Variants in TSHR observed in about 807,000 individuals in gnomAD.
TSHR encodes thyroid stimulating hormone receptor.
TSHR carries 51 observed loss-of-function variants against 64.1 expected under a neutral mutation model. The observed-to-expected ratio is 0.80, with a 90% CI of 0.64 to 1.01. The LOEUF (loss-of-function observed/expected upper bound fraction) is 1.01, where lower values mean the gene tolerates loss of function less well. Among genes scored for constraint, TSHR ranks in the 50% least tolerant of loss-of-function variants. The pLI, the probability that TSHR is intolerant of heterozygous loss-of-function variation, is 0.00. For synonymous variants in TSHR, 361 were observed against 361.9 expected (o/e 1.00, Z 0.03); for missense variants, 877 against 942.8 (o/e 0.93, Z 0.91).
intron 6 of TSHR, chr14:81,094,229 G>A (rs571188115): frequency 6.6e-5 from 10 of 152,212 alleles, no homozygotes; most frequent in Non-Finnish European, 1.5e-4. Flanking sequence ...ATTCCTGGTA[G>A]GAGAAAGTTT....
intron 7 of TSHR, among the ~76,000 whole-genome samples, chr14:81,099,752 G>A (rs985820227): frequency 1.3e-5 from 2 of 152,086 alleles, no homozygotes; most frequent in African/African-American, 4.8e-5. Context: ...TCAAAGAATT[G>A]GTATTGAACT....
chr14:81,043,511 C>A (rs944624237), intron 1 of TSHR, among the ~76,000 whole-genome samples: 1 of 152,120 alleles, frequency 6.6e-6, no homozygotes, highest in Non-Finnish European at 1.5e-5. Context: ...TCATACTGCC[C>A]AAAGTAATTT....
chr14:80,966,865 AC>A (rs1280286467), intron 1 of TSHR, among the ~76,000 whole-genome samples: 2 of 152,168 alleles, frequency 1.3e-5, no homozygotes, highest in Non-Finnish European at 2.9e-5. Context: ...CCTGGTTTGC[AC>A]TTGACCACCT....
chr14:80,984,931 A>G (rs776685605), intron 1 of TSHR, among the ~76,000 whole-genome samples: 17 of 152,080 alleles, frequency 1.1e-4, no homozygotes, highest in Non-Finnish European at 1.9e-4. Flanking sequence ...CATCCTGTAC[A>G]TTGTTTTATA....
chr14:80,975,126 C>T (rs1340879647), intron 1 of TSHR, among the ~76,000 whole-genome samples: 2 of 152,210 alleles, frequency 1.3e-5, no homozygotes, highest in Non-Finnish European at 2.9e-5. Context: ...TTCAAATGTT[C>T]ATGGAGCTCT....
intron 7 of TSHR, chr14:81,104,816 C>CT: frequency 1.0e-6 from 1 of 985,380 alleles, no homozygotes; most frequent in Non-Finnish European, 1.2e-6. Context: ...TCTGACATCT[C>CT]TTTTCTCAGA....
intron 1 of TSHR, among the ~76,000 whole-genome samples, chr14:81,057,024 C>T (rs1285399442): frequency 2.0e-5 from 3 of 152,050 alleles, no homozygotes; most frequent in African/African-American, 7.3e-5. Context: ...GGGTCTACAC[C>T]CCTGATTTTA....
chr14:80,956,777 G>C (rs976169911), intron 1 of TSHR, among the ~76,000 whole-genome samples: 2 of 152,150 alleles, frequency 1.3e-5, no homozygotes, highest in Non-Finnish European at 2.9e-5. Flanking sequence ...AGCTCATGAA[G>C]ACTATTTAAC....
At chr14:81,079,388 C>T (rs1020658860) in intron 3 of TSHR, among the ~76,000 whole-genome samples, 15 of 152,154 alleles carry the variant, frequency 9.9e-5, no homozygotes, top group African/African-American at 2.9e-4. Flanking sequence ...TTTTACCAAG[C>T]GTTAGTTTCT....
At chr14:81,050,233 G>A (rs1217446466) in intron 1 of TSHR, 1 of 152,114 alleles carries the variant, frequency 6.6e-6, no homozygotes, top group Non-Finnish European at 1.5e-5. Flanking sequence ...TGAGAACTCT[G>A]GAAATTCCCA....
intron 1 of TSHR, among the ~76,000 whole-genome samples, chr14:81,056,353 G>A (rs1002574257): frequency 9.9e-5 from 15 of 151,958 alleles, no homozygotes; most frequent in African/African-American, 3.4e-4. Flanking sequence ...GGAAACTTTC[G>A]GGATGATGGA....
At chr14:80,960,403 A>C (rs552024688) in intron 1 of TSHR, among the ~76,000 whole-genome samples, 42 of 152,354 alleles carry the variant, frequency 2.8e-4, no homozygotes, top group Admixed American at 2.5e-3. Flanking sequence ...AGCCCCACAC[A>C]TATAAAGGTG....
intron 1 of TSHR, among the ~76,000 whole-genome samples, chr14:81,036,150 A>G (rs997118709): frequency 2.0e-5 from 3 of 152,214 alleles, no homozygotes; most frequent in South Asian, 4.1e-4. Flanking sequence ...ACAAAGATGA[A>G]GAGAGACACA....
At chr14:80,998,584 C>T (rs771386141) in intron 1 of TSHR, among the ~76,000 whole-genome samples, 3 of 151,830 alleles carry the variant, frequency 2.0e-5, no homozygotes, top group Non-Finnish European at 1.5e-5. Flanking sequence ...CATCGAGAAA[C>T]TTGAATTTCT....
At chr14:80,991,126 G>A (rs1443823756) in intron 1 of TSHR, among the ~76,000 whole-genome samples, 2 of 152,082 alleles carry the variant, frequency 1.3e-5, no homozygotes, top group Non-Finnish European at 2.9e-5. Context: ...ATGATGTTAT[G>A]ATTCTACATT....
chr14:81,105,293 C>A, intron 7 of TSHR: 1 of 934,700 alleles, frequency 1.1e-6, no homozygotes, highest in Non-Finnish European at 1.3e-6. Context: ...TCCTGGATAT[C>A]AAGGCTTCTG....
intron 1 of TSHR, chr14:80,982,777 G>A: frequency 1.7e-6 from 1 of 592,320 alleles, no homozygotes; most frequent in Non-Finnish European, 2.9e-6. Flanking sequence ...TGTGGCAACA[G>A]CCTGCCCTTG....
intron 1 of TSHR, among the ~76,000 whole-genome samples, chr14:80,987,293 C>T (rs1195620191): frequency 6.6e-6 from 1 of 152,150 alleles, no homozygotes; most frequent in African/African-American, 2.4e-5. Context: ...AATATTGGTC[C>T]CCCATGAGGC....
intron 1 of TSHR, among the ~76,000 whole-genome samples, chr14:81,031,784 G>T (rs1884362203): frequency 6.6e-6 from 1 of 152,140 alleles, no homozygotes; most frequent in South Asian, 2.1e-4. Flanking sequence ...GCACTTACAG[G>T]CATCACTGAC....
Sources: gnomAD v4.1 joint callset for allele counts (sites outside exome capture counted in the v4.1 genomes callset) on GRCh38, gnomAD v4.1.1 for gene constraint, MANE v1.5 for transcripts, NCBI Gene and HGNC (gene_info 2026-07-23, HGNC 2026-07-21) for gene names.